TSGA13: variants seen among roughly 807,000 people sequenced by gnomAD.
TSGA13 encodes the protein testis specific 13, also known as testis-specific gene 13 protein.
A neutral mutation model predicts 35.1 loss-of-function variants in TSGA13; 37 were observed. That is an observed-to-expected ratio of 1.05 (90% CI 0.81 to 1.39). TSGA13 has a LOEUF of 1.39. Among genes scored for constraint, TSGA13 ranks in the 40% most tolerant of loss-of-function variants. TSGA13 has a pLI of 0.00. For missense variants in TSGA13, 338 were observed against 328.5 expected, an observed-to-expected ratio of 1.03 and a Z score of -0.22; for synonymous variants, 124 against 121.2, an observed-to-expected ratio of 1.02 and a Z score of -0.15.
intron 4 of TSGA13, among the ~76,000 whole-genome samples, chr7:130,680,355 A>C (rs1796514357): frequency 6.6e-6 from 1 of 152,018 alleles, no homozygotes; most frequent in South Asian, 2.1e-4. Flanking sequence ...ATATACAAAA[A>C]ATTAGCCAGG....
chr7:130,681,283 C>T (rs1442576514), intron 3 of TSGA13, among the ~76,000 whole-genome samples: 4 of 152,192 alleles, frequency 2.6e-5, no homozygotes, highest in Admixed American at 6.5e-5. Context: ...CAGGGAAAGC[C>T]GTTAGGAGGG....
At chr7:130,670,093 T>A (rs887897327) in intron 7 of TSGA13, among the ~76,000 whole-genome samples, 1 of 152,204 alleles carries the variant, frequency 6.6e-6, no homozygotes, top group Non-Finnish European at 1.5e-5. Flanking sequence ...TAAAGCAAGA[T>A]CAATCATTCT....
Position 130,680,841 on chromosome 7 carries a change from A to G in TSGA13, c.174+105T>C, listed in dbSNP as rs1382896175. On this transcript the variant is annotated intron_variant, in intron 4 of 7. Coordinates refer to ENST00000356588, the MANE Select transcript of TSGA13 (RefSeq NM_052933.4). The stretch of plus-strand genomic sequence containing the variant: ...CTGTCCTAAGAGTACGCACAGTCAC[A>G]GAAGCTGGGGACACTTGGAGGCATT... The G allele has an allele frequency of 9.6e-6, 10 of 1,039,494 alleles. No homozygotes were observed. The South Asian group carries it at 1.0e-4, about 10-fold the overall frequency. 64.4% of individuals were successfully genotyped at this position (1,039,494 alleles called of 1,614,324 possible).
intron 2 of TSGA13, among the ~76,000 whole-genome samples, chr7:130,684,706 T>C (rs1237237590): frequency 6.6e-6 from 1 of 152,184 alleles, no homozygotes; most frequent in East Asian, 1.9e-4. Flanking sequence ...AGTTGCACCA[T>C]TAACTCAGGT....
Position 130,668,752 on chromosome 7 carries a change from G to C in TSGA13, c.*262C>G, listed in dbSNP as rs1265287955. On this transcript the variant is annotated 3_prime_UTR_variant, in exon 8 of 8. Transcript: ENST00000356588. ...GAGCGGAAGAGGCTGCAGGAAGGCCGGCCCCGCGCTCTCACGCCGGTTGGG... is the reference window on the plus strand; with the variant it reads ...GAGCGGAAGAGGCTGCAGGAAGGCCCGCCCCGCGCTCTCACGCCGGTTGGG... The C allele has an allele frequency of 3.4e-6, 5 of 1,451,396 alleles. No homozygotes were observed. The highest frequency in any genetic ancestry group is 4.6e-6 in the Non-Finnish European group (5 of 1,086,054). 89.9% of individuals were successfully genotyped at this position (1,451,396 alleles called of 1,614,324 possible). A position where few individuals can be genotyped will look rare whatever the true frequency, so the allele number is the denominator to read the frequency against.
chr7:130,686,670 A>G (rs1330210023), upstream of TSGA13: 2 of 143,314 alleles, frequency 1.4e-5, no homozygotes, highest in African/African-American at 5.2e-5. Flanking sequence ...CCAATCTCTT[A>G]TTTTGCCAGC....
chr7:130,672,493 C>A (rs2116300359), intron 6 of TSGA13, among the ~76,000 whole-genome samples: 1 of 151,898 alleles, frequency 6.6e-6, no homozygotes, highest in East Asian at 1.9e-4. Flanking sequence ...TTCTTCAAAG[C>A]ACAGACCTTG....
Position 130,669,035 on chromosome 7 carries a change from T to C in TSGA13, c.807A>G (p.Lys269=), listed in dbSNP as rs1796179456. The C allele has an allele frequency of 9.9e-6, 16 of 1,614,028 alleles. No individual in the cohort carries two copies. The highest frequency in any genetic ancestry group is 1.3e-5 in the Non-Finnish European group (15 of 1,180,036). The change falls in exon 8 of 8, where the codon AAA becomes AAG. Residue 269 remains lysine (K), a synonymous_variant. Transcript: ENST00000356588. ...RNGRAPQWII[K]KATVIG ...GTGTTCACCCGATGACCGTGGCCTT[T>C]TTGATAATCCACTGCGGGGCCCTCC...
intron 5 of TSGA13, among the ~76,000 whole-genome samples, chr7:130,674,169 C>CT (rs1162370815): frequency 0.022 from 2,152 of 98,424 alleles, 142 homozygotes; most frequent in Middle Eastern, 0.025. Context: ...TTCTTTTTTT[C>CT]TTTTTTTTTT....
chr7:130,674,453 G>A (rs1242834393), intron 5 of TSGA13, among the ~76,000 whole-genome samples: 1 of 152,126 alleles, frequency 6.6e-6, no homozygotes, highest in Non-Finnish European at 1.5e-5. Flanking sequence ...TTACAGGCAT[G>A]AGCCACCGTG....
At position 130,669,051 on chromosome 7, in the gene TSGA13, G is replaced by A. The variant is rs1796180355; in HGVS notation, c.791C>T (p.Pro264Leu). Residue 264 changes from proline to leucine, a missense_variant, in exon 8 of 8, where the codon CCG becomes CTG. Coordinates refer to ENST00000356588, the MANE Select transcript of TSGA13 (RefSeq NM_052933.4). ...GESAFRNGRA[P>L]QWIIKKATVI... Reference sequence around the variant, plus strand: ...CGTGGCCTTTTTGATAATCCACTGCGGGGCCCTCCCGTTGCGGAAGGCGCT... The same window carrying A: ...CGTGGCCTTTTTGATAATCCACTGCAGGGCCCTCCCGTTGCGGAAGGCGCT... 1.2e-6 allele frequency: 2 copies of A among 1,614,060 alleles called. No individual in the cohort carries two copies. Among genetic ancestry groups the A allele is most frequent in the Non-Finnish European group, 1.7e-6 (2 of 1,180,042 alleles).
At position 130,679,311 on chromosome 7, in the gene TSGA13, GT is replaced by G; in HGVS notation, c.230del (p.Asn77ThrfsTer9). ...TTAACATGAAGCTGGTGTTTTTCCT[GT>G]TTTGAGCCAGGAATTTCTGCAGGGC... ...ATALQKFLAQ[N>X]RKNTSFMLKV... On this transcript the variant is annotated frameshift_variant, in exon 5 of 8. Coordinates refer to ENST00000356588, the MANE Select transcript of TSGA13 (RefSeq NM_052933.4). LOFTEE classifies it high-confidence loss of function. 1 of 1,614,110 alleles carries G rather than the reference GT, an allele frequency of 6.2e-7. No individual in the cohort carries two copies. Among genetic ancestry groups the G allele is most frequent in the South Asian group, 1.1e-5 (1 of 91,072 alleles).
chr7:130,678,904 G>A (rs1796472591), intron 5 of TSGA13, among the ~76,000 whole-genome samples: 1 of 152,194 alleles, frequency 6.6e-6, no homozygotes, highest in Non-Finnish European at 1.5e-5. Flanking sequence ...ATGCACACCT[G>A]TAGCCCCAGC....
intron 1 of TSGA13, 84 bp from the exon 2 acceptor site, chr7:130,685,444 G>A: frequency 6.4e-6 from 8 of 1,247,774 alleles, no homozygotes; most frequent in South Asian, 3.0e-5. Context: ...GCTCTTAGAA[G>A]TTAAATTTAT....
At chr7:130,669,331 A>G (rs1353501995) in intron 7 of TSGA13, 148 bp from the exon 8 acceptor site, 3 of 845,968 alleles carry the variant, frequency 3.5e-6, no homozygotes, top group African/African-American at 1.7e-5. Context: ...ACCATTCCCA[A>G]CCTATTTTAT....
At chr7:130,677,635 A>C (rs1554464320) in intron 5 of TSGA13, among the ~76,000 whole-genome samples, 2 of 151,786 alleles carry the variant, frequency 1.3e-5, no homozygotes, top group Non-Finnish European at 1.5e-5. Context: ...ATGTTGGCCA[A>C]GCTGGTGTCA....
Position 130,669,126 on chromosome 7 carries a change from G to T in TSGA13, c.716C>A (p.Thr239Lys), listed in dbSNP as rs782580501. Residue 239 changes from threonine (T) to lysine (K), a missense_variant, in exon 8 of 8, where the codon ACA (threonine) becomes AAA (lysine). Physicochemically the swap from Thr to Lys is moderately conservative, Grantham distance 78. Transcript: ENST00000356588. ...CATGTCTTCCAAGAGCGATGCGAGT[G>T]TCAGTGGTTCCCGAATCACTTTGGA... is the stretch of plus-strand genomic sequence containing the variant. ...PISKVIREPL[T>K]LASLLEDMPT... The T allele has an allele frequency of 4.3e-6, 7 of 1,614,214 alleles. No individual in the cohort carries two copies. The highest frequency in any genetic ancestry group is 5.9e-6 in the Non-Finnish European group (7 of 1,180,034).
rs969777292 is a variant in TSGA13, at chr7:130,683,490, C to A, written c.102+104G>T. On this transcript the variant is annotated intron_variant, in intron 3 of 7. Coordinates refer to ENST00000356588, the MANE Select transcript of TSGA13 (RefSeq NM_052933.4). ...CTTGTTTTCCATATACATTTTTACT[C>A]CTTTTTGCTTTTCAATAGGGAAGTT... 2.2e-5 allele frequency: 22 copies of A among 989,316 alleles called. No individual in the cohort carries two copies. The African/African-American group carries it at 3.4e-4, about 15-fold the overall frequency. The allele number at this position is 989,316 out of a possible 1,614,324, so 61.3% of individuals were successfully genotyped here.
chr7:130,676,955 C>T (rs530297733), intron 5 of TSGA13, among the ~76,000 whole-genome samples: 12 of 150,752 alleles, frequency 8.0e-5, no homozygotes, highest in South Asian at 6.3e-4. Context: ...TGCAGTGGTG[C>T]GATCTCGGCT....
Sources: gnomAD v4.1 joint callset for allele counts (sites outside exome capture counted in the v4.1 genomes callset) on GRCh38, gnomAD v4.1.1 for gene constraint, MANE v1.5 for transcripts, NCBI Gene and HGNC (gene_info 2026-07-23, HGNC 2026-07-21) for gene names.